The following BRIP1 variants were observed in gnomAD, a reference collection of about 807,000 sequenced individuals.
BRIP1 encodes the protein Fanconi anemia group J protein.
In BRIP1, 88 loss-of-function variants were observed where a neutral mutation model predicts 119.7. That is an observed-to-expected ratio of 0.74 (90% CI 0.62 to 0.88). The LOEUF is 0.88. Among genes scored for constraint, BRIP1 ranks in the 40% least tolerant of loss-of-function variants. BRIP1 has a pLI of 0.00. For missense variants in BRIP1, 1,259 were observed against 1,455.4 expected (o/e 0.87, Z 2.20); for synonymous variants, 443 against 496.5 (o/e 0.89, Z 1.43).
rs115099871 is a variant in BRIP1 at position 61,698,602 on chromosome 17, T to G, written c.2493-5090A>C. On this transcript the variant is annotated intron_variant, in intron 17 of 19. Transcript: ENST00000259008. ...TGAGCAGGGTATGGAAGTCTCCAAG[T>G]ATTACTAAATTATTGATTTCTGATG... 9.2e-3 allele frequency among the ~76,000 whole-genome samples: 1,397 copies of G among 152,310 alleles called. 18 individuals carry two copies. Among genetic ancestry groups the G allele is most frequent in the African/African-American group, 0.032 (1,344 of 41,568 alleles).
rs1018266080 is a variant in BRIP1, at chr17:61,705,578, T to C, written c.2492+10373A>G. On this transcript the variant is annotated intron_variant, in intron 17 of 19. Transcript: ENST00000259008. The surrounding 1 kb of genome is among the most constrained non-coding windows in gnomAD (Gnocchi z 5.0). ...AATTTATACTTGTTTTTATTACTCC[T>C]TTTTTTCCTGTTTGCCTCACATTTA... 6.6e-6 allele frequency among the ~76,000 whole-genome samples: 1 copy of C among 152,112 alleles called. No homozygotes were observed. The highest frequency in any genetic ancestry group is 1.5e-5 in the Non-Finnish European group (1 of 67,994).
rs796133266 is a variant in BRIP1 at position 61,756,323 on chromosome 17, G to A, written c.2098-11732C>T. The stretch of plus-strand genomic sequence containing the variant: ...CTAGGCACCTAAAAACTAACTTAAA[G>A]GAAAGTACGATGACACAGAGCTGTC... On this transcript the variant is annotated intron_variant, in intron 14 of 19. Transcript: ENST00000259008. This position sits in a 1 kb window ranked among gnomAD's most constrained non-coding sequence, Gnocchi z 4.3. Among the ~76,000 whole-genome samples, 5 of 152,214 alleles carry A rather than the reference G, an allele frequency of 3.3e-5. No homozygotes were observed. The highest frequency in any genetic ancestry group is 1.2e-4 in the African/African-American group (5 of 41,520).
At position 61,720,635 on chromosome 17, in the gene BRIP1, A is replaced by C. The variant is rs1166525926; in HGVS notation, c.2380-4572T>G. On this transcript the variant is annotated intron_variant, in intron 16 of 19. Transcript: ENST00000259008. The surrounding 1 kb of genome is among the most constrained non-coding windows in gnomAD (Gnocchi z 4.3). Reference sequence around the variant, plus strand: ...TCCTGCTCCATCCCACTCAGATGTGAATCATCCCTTTGTCCAGTATATCCA... The same window carrying C: ...TCCTGCTCCATCCCACTCAGATGTGCATCATCCCTTTGTCCAGTATATCCA... Among the ~76,000 whole-genome samples, 2 of 152,162 alleles carry C rather than the reference A, an allele frequency of 1.3e-5. No homozygotes were observed. The highest frequency in any genetic ancestry group is 4.8e-5 in the African/African-American group (2 of 41,432).
intron 5 of BRIP1, 127 bp from the exon 6 acceptor site, chr17:61,847,347 C>CAATA (rs2078751442): frequency 9.8e-7 from 1 of 1,022,400 alleles, no homozygotes; most frequent in Non-Finnish European, 1.5e-6. Context: ...TTCTAACAGG[C>CAATA]AATAATAAAA....
intron 17 of BRIP1, among the ~76,000 whole-genome samples, chr17:61,697,005 G>GAAAAAAAAAA (rs1567740818): frequency 8.8e-6 from 1 of 114,204 alleles, no homozygotes; most frequent in Non-Finnish European, 1.7e-5. Flanking sequence ...AAAAAAAAAG[G>GAAAAAAAAAA]GGGGGGGAAG....
chr17:61,815,210 C>T lies in BRIP1; in HGVS notation c.628-6453G>A, dbSNP rs2078219271. On this transcript the variant is annotated intron_variant, in intron 6 of 19. Coordinates refer to ENST00000259008, the MANE Select transcript of BRIP1 (RefSeq NM_032043.3). The surrounding 1 kb of genome is among the most constrained non-coding windows in gnomAD (Gnocchi z 4.1). ...AATAGCTTTCATCTTAACACCTCCTCCTCAAAAGTTTTCAACCTAATTTAT... is the reference window on the plus strand; with the variant it reads ...AATAGCTTTCATCTTAACACCTCCTTCTCAAAAGTTTTCAACCTAATTTAT... Among the ~76,000 whole-genome samples the T allele has an allele frequency of 6.6e-6, 1 of 151,828 alleles. No individual in the cohort carries two copies. Among genetic ancestry groups the T allele is most frequent in the Admixed American group, 6.6e-5 (1 of 15,244 alleles).
chr17:61,793,973 C>T lies in BRIP1; in HGVS notation c.1341-244G>A, dbSNP rs976891315. 2.0e-5 allele frequency among the ~76,000 whole-genome samples: 3 copies of T among 152,144 alleles called. No homozygotes were observed. The highest frequency in any genetic ancestry group is 6.6e-5 in the Admixed American group (1 of 15,266). ...AAACAAACATGCATATGATTTCCCA[C>T]TTGTTTTGTGGATTCACATTGCTTT... On this transcript the variant is annotated intron_variant, in intron 9 of 19. Coordinates refer to ENST00000259008, the MANE Select transcript of BRIP1 (RefSeq NM_032043.3). This position sits in a 1 kb window ranked among gnomAD's most constrained non-coding sequence, Gnocchi z 5.2.
rs2145014763 is a variant in BRIP1 at position 61,775,601 on chromosome 17, T to C, written c.2097+800A>G. Among the ~76,000 whole-genome samples the C allele has an allele frequency of 6.6e-6, 1 of 152,216 alleles. No homozygotes were observed. Among genetic ancestry groups the C allele is most frequent in the Middle Eastern group, 3.4e-3 (1 of 294 alleles). On this transcript the variant is annotated intron_variant, in intron 14 of 19. Coordinates refer to ENST00000259008, the MANE Select transcript of BRIP1 (RefSeq NM_032043.3). This position sits in a 1 kb window ranked among gnomAD's most constrained non-coding sequence, Gnocchi z 4.4. ...GAATGTTAGGAGGACCAAAATATAC[T>C]AAATAATTTCAAATTAACTAAAAAA...
chr17:61,851,500 C>A lies in BRIP1; in HGVS notation c.380-2244G>T, dbSNP rs1029844720. On this transcript the variant is annotated intron_variant, in intron 4 of 19. Coordinates refer to ENST00000259008, the MANE Select transcript of BRIP1 (RefSeq NM_032043.3). This position sits in a 1 kb window ranked among gnomAD's most constrained non-coding sequence, Gnocchi z 4.6. ...TTTTTCCATATGGACATCTAACAGG[C>A]CTAGCACCACCCAAGTTCTTCCTTT... Among the ~76,000 whole-genome samples, 1 of 152,016 alleles carries A rather than the reference C, an allele frequency of 6.6e-6. No homozygotes were observed. Among genetic ancestry groups the A allele is most frequent in the Non-Finnish European group, 1.5e-5 (1 of 68,008 alleles).
rs1603284794 is a variant in BRIP1, at chr17:61,699,679, G to C, written c.2493-6167C>G. ...TACCCCTAGAAAGGTCTGTTTAAAG[G>C]TGTTCCTGGGCTGATGAATGAAAAC... On this transcript the variant is annotated intron_variant, in intron 17 of 19. Coordinates refer to ENST00000259008, the MANE Select transcript of BRIP1 (RefSeq NM_032043.3). The surrounding 1 kb of genome is among the most constrained non-coding windows in gnomAD (Gnocchi z 4.8). 6.6e-6 allele frequency among the ~76,000 whole-genome samples: 1 copy of C among 152,288 alleles called. No individual in the cohort carries two copies. Among genetic ancestry groups the C allele is most frequent in the Middle Eastern group, 3.4e-3 (1 of 294 alleles).
rs760473383 is a variant in BRIP1 at position 61,748,859 on chromosome 17, T to C, written c.2098-4268A>G. The stretch of plus-strand genomic sequence containing the variant: ...AAATGTAAGATTTCAAACTGTTGGC[T>C]GGGCGCAGTGGCTCATGCCTGTAAT... On this transcript the variant is annotated intron_variant, in intron 14 of 19. Coordinates refer to ENST00000259008, the MANE Select transcript of BRIP1 (RefSeq NM_032043.3). The surrounding 1 kb of genome is among the most constrained non-coding windows in gnomAD (Gnocchi z 4.7). Among the ~76,000 whole-genome samples the C allele has an allele frequency of 1.8e-4, 27 of 152,304 alleles. 1 individual carries two copies. Among genetic ancestry groups the C allele is most frequent in the Non-Finnish European group, 2.9e-4 (20 of 68,008 alleles).
At chr17:61,766,380 C>T (rs2077374029) in intron 14 of BRIP1, among the ~76,000 whole-genome samples, 1 of 152,154 alleles carries the variant, frequency 6.6e-6, no homozygotes. Flanking sequence ...TCTACCACAT[C>T]CCAAAGCCTC....
rs544365376 is a variant in BRIP1, at chr17:61,734,541, T to C, written c.2379+8472A>G. Among the ~76,000 whole-genome samples, 9 of 152,348 alleles carry C rather than the reference T, an allele frequency of 5.9e-5. No individual in the cohort carries two copies. Among genetic ancestry groups the C allele is most frequent in the Admixed American group, 5.2e-4 (8 of 15,306 alleles). Reference sequence around the variant, plus strand: ...TTATCAACATTTCATAGTGGGTTTCTTTATTTTCAGGTCCCTCAGGTATGT... The same window carrying C: ...TTATCAACATTTCATAGTGGGTTTCCTTATTTTCAGGTCCCTCAGGTATGT... On this transcript the variant is annotated intron_variant, in intron 16 of 19. Coordinates refer to ENST00000259008, the MANE Select transcript of BRIP1 (RefSeq NM_032043.3). The surrounding 1 kb of genome is among the most constrained non-coding windows in gnomAD (Gnocchi z 5.2).
chr17:61,700,873 T>C lies in BRIP1; in HGVS notation c.2493-7361A>G, dbSNP rs1045543190. Among the ~76,000 whole-genome samples, 1 of 152,180 alleles carries C rather than the reference T, an allele frequency of 6.6e-6. No homozygotes were observed. The highest frequency in any genetic ancestry group is 1.5e-5 in the Non-Finnish European group (1 of 68,048). ...TCTTTCTGTTCTTCAGAGTAAATAATCTCAATTGATGTTTAAGTAAATCAA... is the reference window on the plus strand; with the variant it reads ...TCTTTCTGTTCTTCAGAGTAAATAACCTCAATTGATGTTTAAGTAAATCAA... On this transcript the variant is annotated intron_variant, in intron 17 of 19. Coordinates refer to ENST00000259008, the MANE Select transcript of BRIP1 (RefSeq NM_032043.3). This position sits in a 1 kb window ranked among gnomAD's most constrained non-coding sequence, Gnocchi z 4.1.
At chr17:61,819,649 C>T (rs1200078187) in intron 6 of BRIP1, among the ~76,000 whole-genome samples, 2 of 152,070 alleles carry the variant, frequency 1.3e-5, no homozygotes, top group Non-Finnish European at 2.9e-5. Flanking sequence ...TTTGCATGTT[C>T]TCACTCATTT....
rs200432569 is a variant in BRIP1, at chr17:61,777,840, ATAAACT to A, written c.1936-1284_1936-1279del. On this transcript the variant is annotated intron_variant, in intron 13 of 19. Coordinates refer to ENST00000259008, the MANE Select transcript of BRIP1 (RefSeq NM_032043.3). ...ATTGATTAAACCACTGGCCATTAAG[ATAAACT>A]TAACCTTTAGCATCATCTCCCCCAA... Among the ~76,000 whole-genome samples the A allele has an allele frequency of 5.7e-3, 857 of 151,318 alleles. 4 individuals carry two copies. The highest frequency in any genetic ancestry group is 0.02 in the African/African-American group (818 of 41,372).
Position 61,703,207 on chromosome 17 carries a change from G to A in BRIP1, c.2493-9695C>T, listed in dbSNP as rs1048040750. On this transcript the variant is annotated intron_variant, in intron 17 of 19. Coordinates refer to ENST00000259008, the MANE Select transcript of BRIP1 (RefSeq NM_032043.3). This position sits in a 1 kb window ranked among gnomAD's most constrained non-coding sequence, Gnocchi z 5.0. ...GCCTCCCAAGTAGCTGGAATTACAGGTGTGCGCCACAACACCCACCTAATT... is the reference window on the plus strand; with the variant it reads ...GCCTCCCAAGTAGCTGGAATTACAGATGTGCGCCACAACACCCACCTAATT... Among the ~76,000 whole-genome samples, 2 of 152,098 alleles carry A rather than the reference G, an allele frequency of 1.3e-5. No homozygotes were observed. The highest frequency in any genetic ancestry group is 1.3e-4 in the Admixed American group (2 of 15,268).
At chr17:61,819,062 T>TG (rs2078280752) in intron 6 of BRIP1, among the ~76,000 whole-genome samples, 1 of 151,744 alleles carries the variant, frequency 6.6e-6, no homozygotes, top group South Asian at 2.1e-4. Context: ...GGTGCACGCC[T>TG]GTAATCCCAG....
In BRIP1 at chr17:61,744,855, T is replaced by C. The variant is rs2077038972; in HGVS notation, c.2098-264A>G. 6.6e-6 allele frequency among the ~76,000 whole-genome samples: 1 copy of C among 150,774 alleles called. No homozygotes were observed. The highest frequency in any genetic ancestry group is 2.4e-5 in the African/African-American group (1 of 41,244). On this transcript the variant is annotated intron_variant, in intron 14 of 19. Transcript: ENST00000259008. The surrounding 1 kb of genome is among the most constrained non-coding windows in gnomAD (Gnocchi z 5.0). ...TTATCTTGGCAATTTCTACCACTAC[T>C]ACTGCTACTACTACTATTACTACTA... is the stretch of plus-strand genomic sequence containing the variant.
Sources: allele counts gnomAD v4.1 joint callset (sites outside exome capture counted in the v4.1 genomes callset), GRCh38; gene constraint gnomAD v4.1.1; non-coding constraint Gnocchi (gnomAD v3.1); transcripts MANE v1.5; gene names NCBI Gene and HGNC (gene_info 2026-07-23, HGNC 2026-07-21).